ALK: variants seen among roughly 807,000 people sequenced by gnomAD.
ALK encodes ALK receptor tyrosine kinase.
ALK carries 74 observed loss-of-function variants against 163.1 expected under a neutral mutation model. The observed-to-expected ratio is 0.45, with a 90% CI of 0.38 to 0.55. ALK has a LOEUF of 0.55. Among genes scored for constraint, ALK ranks in the 20% least tolerant of loss-of-function variants. The pLI is 0.00. For synonymous variants in ALK, 960 were observed against 843.2 expected (o/e 1.14, Z -2.40); for missense variants, 2,063 against 2,105.3 (o/e 0.98, Z 0.39).
intron 4 of ALK, among the ~76,000 whole-genome samples, chr2:29,523,335 G>A (rs537034879): frequency 6.6e-6 from 1 of 152,260 alleles, no homozygotes; most frequent in Non-Finnish European, 1.5e-5. Flanking sequence ...CCAATGCACA[G>A]CACCCATTAC....
At chr2:29,667,927 T>C (rs933014779) in intron 3 of ALK, among the ~76,000 whole-genome samples, 2 of 152,124 alleles carry the variant, frequency 1.3e-5, no homozygotes, top group African/African-American at 4.8e-5. Context: ...GGGCTTTTCT[T>C]TGAAAGGAGA....
chr2:29,892,549 A>G (rs915661819), intron 1 of ALK, among the ~76,000 whole-genome samples: 6 of 152,180 alleles, frequency 3.9e-5, no homozygotes, highest in African/African-American at 1.4e-4. Context: ...TAAGCACTTT[A>G]CAATCAATCA....
At chr2:29,699,246 T>A (rs1240004268) in intron 2 of ALK, among the ~76,000 whole-genome samples, 1 of 152,204 alleles carries the variant, frequency 6.6e-6, no homozygotes, top group East Asian at 1.9e-4. Context: ...CTACCTTCCC[T>A]CAGCCCCTCC....
intron 1 of ALK, among the ~76,000 whole-genome samples, chr2:29,810,987 C>G (rs1409267900): frequency 6.6e-6 from 1 of 152,128 alleles, no homozygotes; most frequent in African/African-American, 2.4e-5. Flanking sequence ...GAAGCCAACT[C>G]TGACAGCACC....
chr2:29,620,751 A>G (rs1316735388), intron 3 of ALK, among the ~76,000 whole-genome samples: 1 of 152,196 alleles, frequency 6.6e-6, no homozygotes. Context: ...GAGTATTTAA[A>G]ACTTCTTACA....
chr2:29,335,827 G>A (rs1667594876), intron 5 of ALK, among the ~76,000 whole-genome samples: 1 of 152,080 alleles, frequency 6.6e-6, no homozygotes, highest in South Asian at 2.1e-4. Context: ...ATTGCTTGTG[G>A]TCAGGAGTTC....
chr2:29,364,318 G>C (rs911892201), intron 5 of ALK, among the ~76,000 whole-genome samples: 5 of 152,188 alleles, frequency 3.3e-5, no homozygotes, highest in Non-Finnish European at 5.9e-5. Context: ...GGGAAATGGA[G>C]TATGGTGAGT....
At chr2:29,851,059 T>C (rs7574982) in intron 1 of ALK, among the ~76,000 whole-genome samples, 42,761 of 152,178 alleles carry the variant, frequency 0.28, 6,816 homozygotes, top group East Asian at 0.54. Flanking sequence ...GCCAAACACA[T>C]AATTTGTGTT....
At chr2:29,690,850 T>C (rs557097947) in intron 3 of ALK, among the ~76,000 whole-genome samples, 19 of 152,288 alleles carry the variant, frequency 1.2e-4, no homozygotes, top group African/African-American at 4.6e-4. Flanking sequence ...CTAAATACTA[T>C]CTGACCCATG....
intron 3 of ALK, among the ~76,000 whole-genome samples, chr2:29,670,960 T>A (rs771634946): frequency 5.3e-5 from 8 of 152,118 alleles, no homozygotes; most frequent in Non-Finnish European, 1.0e-4. Context: ...TTTTAATTAT[T>A]GGTCAGGGAG....
chr2:29,500,765 C>T (rs751472415), intron 4 of ALK, among the ~76,000 whole-genome samples: 3 of 152,266 alleles, frequency 2.0e-5, no homozygotes, highest in Non-Finnish European at 4.4e-5. Context: ...TAAATCTTCC[C>T]TTCGCTCTTC....
At chr2:29,225,225 A>G (rs938139165) in intron 19 of ALK, among the ~76,000 whole-genome samples, 1 of 152,150 alleles carries the variant, frequency 6.6e-6, no homozygotes, top group African/African-American at 2.4e-5. Flanking sequence ...CCAGGAGGAT[A>G]CACACGGGGC....
chr2:29,284,789 C>T (rs1402561968), intron 9 of ALK, among the ~76,000 whole-genome samples: 1 of 152,174 alleles, frequency 6.6e-6, no homozygotes, highest in Non-Finnish European at 1.5e-5. Flanking sequence ...CAGATCCTTC[C>T]AGAATTATGA....
chr2:29,304,493 T>TAAAAAAA (rs70958256), intron 8 of ALK, among the ~76,000 whole-genome samples: 8 of 125,336 alleles, frequency 6.4e-5, no homozygotes, highest in South Asian at 2.7e-4. Context: ...AGACTGTGTC[T>TAAAAAAA]AAAAAAAAAA....
In ALK at chr2:29,655,487, G is replaced by C. The variant is rs73921143; in HGVS notation, c.952+39363C>G. 5.3e-3 allele frequency among the ~76,000 whole-genome samples: 807 copies of C among 152,264 alleles called. 9 individuals are homozygous for C. The highest frequency in any genetic ancestry group is 0.019 in the African/African-American group (779 of 41,556). On this transcript the variant is annotated intron_variant, in intron 3 of 28. Transcript: ENST00000389048. ...TTACGGGGTCCCACACTAACACTGA[G>C]GTTTCACTAACAACAGAGTGCATGA...
chr2:29,253,703 T>C (rs1490776023), intron 11 of ALK, among the ~76,000 whole-genome samples: 1 of 152,168 alleles, frequency 6.6e-6, no homozygotes, highest in Non-Finnish European at 1.5e-5. Flanking sequence ...CTATAGTTCC[T>C]TGAAACCTGT....
chr2:29,218,968 G>GA (rs768681912), intron 23 of ALK, among the ~76,000 whole-genome samples: 1 of 152,330 alleles, frequency 6.6e-6, no homozygotes, highest in Non-Finnish European at 1.5e-5. Context: ...TCCCAGAGGG[G>GA]ACCACTGGAT....
chr2:29,482,561 C>T (rs112174990), intron 4 of ALK, among the ~76,000 whole-genome samples: 3 of 152,170 alleles, frequency 2.0e-5, no homozygotes, highest in African/African-American at 4.8e-5. Context: ...TAAATAGGCA[C>T]CAAGCTAATG....
intron 1 of ALK, among the ~76,000 whole-genome samples, chr2:29,760,332 T>A (rs1680665552): frequency 6.6e-6 from 1 of 152,210 alleles, no homozygotes; most frequent in Non-Finnish European, 1.5e-5. Context: ...AGGCAAGCTA[T>A]TTAACCCTCT....
Sources: allele counts gnomAD v4.1 joint callset (sites outside exome capture counted in the v4.1 genomes callset), GRCh38; gene constraint gnomAD v4.1.1; transcripts MANE v1.5; gene names NCBI Gene and HGNC (gene_info 2026-07-23, HGNC 2026-07-21).